The following ATP11C variants were observed in gnomAD, a reference collection of about 807,000 sequenced individuals.
ATP11C encodes phospholipid-transporting ATPase IG.
Under a neutral mutation model 97.4 loss-of-function variants are expected in ATP11C, and 36 were observed. That is an observed-to-expected ratio of 0.37 (90% CI 0.28 to 0.49). The LOEUF (loss-of-function observed/expected upper bound fraction) is 0.49. Among genes scored for constraint, ATP11C ranks in the 20% least tolerant of loss-of-function variants. The pLI, the probability that ATP11C is intolerant of heterozygous loss-of-function variation, is 0.98. For synonymous variants in ATP11C, 275 were observed against 290.9 expected, an observed-to-expected ratio of 0.95 and a Z score of 0.56; for missense variants, 730 against 824.6, an observed-to-expected ratio of 0.89 and a Z score of 1.40.
At chrX:139,795,695 G>A (rs1375938794) in intron 12 of ATP11C, among the ~76,000 whole-genome samples, 2 of 111,918 alleles carry the variant, frequency 1.8e-5, no homozygotes, top group African/African-American at 3.3e-5. Context: ...GAAAATAAAT[G>A]CACCTGGGTT....
chrX:139,879,170 C>T (rs935933795), intron 1 of ATP11C, among the ~76,000 whole-genome samples: 6 of 110,129 alleles, frequency 5.4e-5, no homozygotes, highest in Admixed American at 9.7e-5. Context: ...CTGTGAGGGC[C>T]GGAGAGAAAG....
chrX:139,820,525 C>T (rs967133788), intron 2 of ATP11C, among the ~76,000 whole-genome samples: 8 of 111,533 alleles, frequency 7.2e-5, no homozygotes, highest in Non-Finnish European at 1.3e-4. Context: ...CTATGAGTCA[C>T]TCTGTCCCTA....
At chrX:139,895,562 G>A (rs772610339) in intron 1 of ATP11C, among the ~76,000 whole-genome samples, 36 of 111,386 alleles carry the variant, frequency 3.2e-4, no homozygotes, top group South Asian at 7.6e-4. Context: ...GAGCCATTGC[G>A]CCTGGCCTAG....
intron 1 of ATP11C, among the ~76,000 whole-genome samples, chrX:139,924,514 T>C (rs2085321639): frequency 9.0e-6 from 1 of 111,729 alleles, no homozygotes; most frequent in Non-Finnish European, 1.9e-5. Flanking sequence ...AAGGCCTGTT[T>C]GCAAGGTTGG....
At chrX:139,826,014 G>A (rs769861172) in intron 2 of ATP11C, among the ~76,000 whole-genome samples, 36 of 112,033 alleles carry the variant, frequency 3.2e-4, no homozygotes, top group Non-Finnish European at 6.4e-4. Context: ...ATTTAGAATC[G>A]GGGCGATTAA....
chrX:139,854,410 T>C (rs1345723180), intron 1 of ATP11C, among the ~76,000 whole-genome samples: 1 of 111,784 alleles, frequency 8.9e-6, no homozygotes, highest in Non-Finnish European at 1.9e-5. Context: ...AGTCCACAGA[T>C]ATGAAGGAAG....
At chrX:139,908,005 T>C (rs967453267) in intron 1 of ATP11C, among the ~76,000 whole-genome samples, 4 of 111,094 alleles carry the variant, frequency 3.6e-5, no homozygotes, top group Non-Finnish European at 5.7e-5. Context: ...ACTCAATAAA[T>C]ATGTGTGAAT....
chrX:139,732,234 T>C (rs898676154), intron 28 of ATP11C, among the ~76,000 whole-genome samples: 1 of 111,172 alleles, frequency 9.0e-6, no homozygotes, highest in African/African-American at 3.3e-5. Context: ...AGACCCGTAG[T>C]CCAAGCTTTT....
intron 1 of ATP11C, among the ~76,000 whole-genome samples, chrX:139,898,788 A>G (rs896841032): frequency 1.5e-4 from 17 of 111,996 alleles, no homozygotes; most frequent in African/African-American, 5.2e-4. Context: ...GCAAGAAATG[A>G]TATTCTTTAG....
At chrX:139,787,644 T>G (rs2082603288) in intron 14 of ATP11C, among the ~76,000 whole-genome samples, 1 of 112,831 alleles carries the variant, frequency 8.9e-6, no homozygotes, top group Non-Finnish European at 1.9e-5. Context: ...TTTATGCTTT[T>G]CTTCTCTTTC....
chrX:139,908,704 G>C (rs1285214381), intron 1 of ATP11C, among the ~76,000 whole-genome samples: 1 of 112,112 alleles, frequency 8.9e-6, no homozygotes, highest in African/African-American at 3.2e-5. Context: ...TTCTATTTAT[G>C]GGGCTATAAA....
At chrX:139,815,164 A>G (rs1317309975) in intron 4 of ATP11C, among the ~76,000 whole-genome samples, 179 bp from the exon 5 acceptor site, 1 of 112,187 alleles carries the variant, frequency 8.9e-6, no homozygotes, top group African/African-American at 3.2e-5. Context: ...CACACTTTCA[A>G]AATACTCCTT....
chrX:139,742,872 A>T (rs2081588397), intron 26 of ATP11C, among the ~76,000 whole-genome samples: 1 of 24,214 alleles, frequency 4.1e-5, no homozygotes, highest in African/African-American at 1.3e-4. Flanking sequence ...ATTAAAAAAA[A>T]AAAAATATAT....
At chrX:139,831,000 C>A (rs1485419702) in intron 1 of ATP11C, among the ~76,000 whole-genome samples, 2 of 111,042 alleles carry the variant, frequency 1.8e-5, no homozygotes, top group Admixed American at 1.9e-4. Context: ...ACAATGTATT[C>A]GGTGGTCAAA....
At chrX:139,867,235 C>G (rs1230031339) in intron 1 of ATP11C, among the ~76,000 whole-genome samples, 1 of 111,647 alleles carries the variant, frequency 9.0e-6, no homozygotes, top group African/African-American at 3.3e-5. Flanking sequence ...TCCCTTCCCT[C>G]ATAGCGCTTA....
chrX:139,826,530 A>G (rs1321920098), intron 2 of ATP11C, among the ~76,000 whole-genome samples, 174 bp downstream of exon 2: 2 of 111,319 alleles, frequency 1.8e-5, no homozygotes, highest in African/African-American at 3.3e-5. Context: ...AGACAAAGTG[A>G]TTTTTTAAAT....
At chrX:139,740,926 T>C (rs563367032) in intron 27 of ATP11C, 65 bp downstream of exon 27, 4 of 650,272 alleles carry the variant, frequency 6.2e-6, no homozygotes, top group South Asian at 2.5e-5. Context: ...CTTACATATA[T>C]AGTGTACATA....
chrX:139,888,673 T>C (rs1879389060), intron 1 of ATP11C, among the ~76,000 whole-genome samples: 1 of 111,206 alleles, frequency 9.0e-6, no homozygotes, highest in Non-Finnish European at 1.9e-5. Context: ...GAAAAATAGT[T>C]GGGCAGCTTA....
At chrX:139,886,611 T>C (rs2084647368) in intron 1 of ATP11C, among the ~76,000 whole-genome samples, 2 of 105,162 alleles carry the variant, frequency 1.9e-5, no homozygotes, top group Non-Finnish European at 3.9e-5. Context: ...AAAGCACCAG[T>C]TACTACAGCA....
Sources: gnomAD v4.1 joint callset for allele counts (sites outside exome capture counted in the v4.1 genomes callset) on GRCh38, gnomAD v4.1.1 for gene constraint, MANE v1.5 for transcripts, NCBI Gene and HGNC (gene_info 2026-07-23, HGNC 2026-07-21) for gene names.